Variants in PHLDB2 observed in about 807,000 individuals in gnomAD.
PHLDB2 encodes pleckstrin homology-like domain family B member 2.
In PHLDB2, 71 loss-of-function variants were observed where a neutral mutation model predicts 123.6. That is an observed-to-expected ratio of 0.57 (90% CI 0.47 to 0.70). PHLDB2 has a LOEUF of 0.70. Among genes scored for constraint, PHLDB2 ranks in the 30% least tolerant of loss-of-function variants. The pLI, the probability that PHLDB2 is intolerant of heterozygous loss-of-function variation, is 0.00. For synonymous variants in PHLDB2, 547 were observed against 541.6 expected (o/e 1.01, Z -0.14); for missense variants, 1,446 against 1,519.5 (o/e 0.95, Z 0.80).
chr3:111,755,281 C>T (rs191340530), intron 1 of PHLDB2, among the ~76,000 whole-genome samples: 116,916 of 125,510 alleles, frequency 0.93, 54,599 homozygotes, highest in East Asian at 1. Flanking sequence ...CATCTGGTCC[C>T]GGACTCTTTT....
In PHLDB2 at chr3:111,884,518, C is replaced by T; in HGVS notation, c.441C>T (p.Pro147=). 6.2e-7 allele frequency: 1 copy of T among 1,614,182 alleles called. No individual in the cohort carries two copies. The highest frequency in any genetic ancestry group is 8.5e-7 in the Non-Finnish European group (1 of 1,180,028). The change falls in exon 2 of 18, where the codon CCC becomes CCT. Residue 147 remains proline (P), a synonymous_variant. Coordinates refer to ENST00000431670, the MANE Select transcript of PHLDB2 (RefSeq NM_001134438.2). Reference sequence around the variant, plus strand: ...CCTTGAGGCTCTCAGAGAAGCCTCCCTATTCCAAATATAGCTCAAGGCATA... The same window carrying T: ...CCTTGAGGCTCTCAGAGAAGCCTCCTTATTCCAAATATAGCTCAAGGCATA... ...ERALRLSEKP[P]YSKYSSRHKS... is the part of the protein sequence containing the mutation.
At chr3:111,931,742 T>G (rs1348571658) in intron 5 of PHLDB2, among the ~76,000 whole-genome samples, 1 of 152,234 alleles carries the variant, frequency 6.6e-6, no homozygotes, top group African/African-American at 2.4e-5. Context: ...TAGAACTGTT[T>G]CAGATGACGG....
rs201726032 is a variant in PHLDB2, at chr3:111,885,311, C to G, written c.1234C>G (p.Arg412Gly). The stretch of plus-strand genomic sequence containing the variant: ...AACCCCCCAGCCTGCCCTTCGGGAA[C>G]GGAAAAGCAGTATTAGCTCCATTTC... Reference protein sequence around the residue: ...SGTPQPALRERKSSISSISGR... With the variant: ...SGTPQPALREGKSSISSISGR... The change falls in exon 2 of 18, where the codon CGG becomes GGG. Residue 412 changes from arginine to glycine, a missense_variant. Physicochemically the swap from Arg to Gly is moderately radical, Grantham distance 125 (BLOSUM62 -2). Transcript: ENST00000431670. 9.9e-6 allele frequency: 16 copies of G among 1,613,954 alleles called. No homozygotes were observed. Among genetic ancestry groups the G allele is most frequent in the Non-Finnish European group, 1.4e-5 (16 of 1,180,032 alleles).
intron 1 of PHLDB2, among the ~76,000 whole-genome samples, chr3:111,752,259 T>C (rs2107970270): frequency 6.6e-6 from 1 of 152,198 alleles, no homozygotes; most frequent in East Asian, 1.9e-4. Flanking sequence ...TGTGTGTGTG[T>C]GTGTGTGCAT....
At position 111,884,113 on chromosome 3, in the gene PHLDB2, T is replaced by G; in HGVS notation, c.36T>G (p.Asp12Glu). The G allele has an allele frequency of 6.2e-7, 1 of 1,613,950 alleles. No individual in the cohort carries two copies. Among genetic ancestry groups the G allele is most frequent in the Non-Finnish European group, 8.5e-7 (1 of 1,179,864 alleles). ...ATAGCTACATACAAAAGGAGCTAGA[T>G]TTACAAAATGGTAGCTTAGAGGAAG... is the stretch of plus-strand genomic sequence containing the variant. ...EEHSYIQKEL[D>E]LQNGSLEEDS... Residue 12 changes from aspartate (D) to glutamate (E), a missense_variant, in exon 2 of 18, where the codon GAT becomes GAG. Physicochemically the swap from Asp to Glu is conservative, Grantham distance 45. Coordinates refer to ENST00000431670, the MANE Select transcript of PHLDB2 (RefSeq NM_001134438.2).
intron 2 of PHLDB2, among the ~76,000 whole-genome samples, chr3:111,903,219 G>A (rs2067301687): frequency 6.6e-6 from 1 of 152,198 alleles, no homozygotes; most frequent in South Asian, 2.1e-4. Context: ...AGTTTAGGGT[G>A]GAGCCAGGGC....
chr3:111,958,247 T>C (rs1019511262), intron 12 of PHLDB2: 37 of 986,970 alleles, frequency 3.7e-5, no homozygotes, highest in South Asian at 1.9e-4. Flanking sequence ...TCCTGTGCCC[T>C]CTTCTTCTGG....
At chr3:111,846,944 T>C (rs1317838389) in intron 2 of PHLDB2, among the ~76,000 whole-genome samples, 1 of 152,062 alleles carries the variant, frequency 6.6e-6, no homozygotes, top group Non-Finnish European at 1.5e-5. Context: ...CTGGAGAGGG[T>C]GATTTCTGAA....
At chr3:111,748,903 A>G (rs1464768803) in intron 1 of PHLDB2, among the ~76,000 whole-genome samples, 1 of 152,010 alleles carries the variant, frequency 6.6e-6, no homozygotes, top group Non-Finnish European at 1.5e-5. Context: ...TATAATATAT[A>G]TTTTTTACTT....
chr3:111,781,440 G>T (rs1194722056), intron 1 of PHLDB2, among the ~76,000 whole-genome samples: 2 of 151,998 alleles, frequency 1.3e-5, no homozygotes, highest in African/African-American at 4.8e-5. Flanking sequence ...AGTCAGGATT[G>T]CCAGGAAAGC....
intron 2 of PHLDB2, among the ~76,000 whole-genome samples, chr3:111,905,883 T>C (rs1386773236): frequency 6.6e-6 from 1 of 152,248 alleles, no homozygotes. Context: ...GAATGGAAGA[T>C]GACACCCATT....
intron 8 of PHLDB2, among the ~76,000 whole-genome samples, chr3:111,944,836 C>A (rs1330604176): frequency 2.0e-5 from 3 of 152,004 alleles, no homozygotes; most frequent in Non-Finnish European, 2.9e-5. Flanking sequence ...CCACGCCTGG[C>A]TAATTTTTTT....
chr3:111,958,495 T>G (rs538500054), intron 12 of PHLDB2, among the ~76,000 whole-genome samples: 42 of 152,320 alleles, frequency 2.8e-4, no homozygotes, highest in Admixed American at 2.1e-3. Context: ...CAGGTCCAAT[T>G]AGCCAGAATT....
At chr3:111,883,924 T>C in intron 1 of PHLDB2, 140 bp from the exon 2 acceptor site, 1 of 756,442 alleles carries the variant, frequency 1.3e-6, no homozygotes, top group Non-Finnish European at 2.1e-6. Context: ...TTTTAACAGG[T>C]TTTTTAGTAA....
At chr3:111,816,367 G>A (rs183196429) in intron 1 of PHLDB2, among the ~76,000 whole-genome samples, 9 of 152,302 alleles carry the variant, frequency 5.9e-5, no homozygotes, top group East Asian at 1.9e-4. Flanking sequence ...TGGGAGGGAG[G>A]CTGTACCCTG....
At chr3:111,739,573 T>TAAAAAA (rs1231413646) in intron 1 of PHLDB2, among the ~76,000 whole-genome samples, 1 of 11,714 alleles carries the variant, frequency 8.5e-5, no homozygotes, top group African/African-American at 1.6e-4. Context: ...CTTCTGAAGT[T>TAAAAAA]AAAAAAAAAA....
chr3:111,842,787 CA>C (rs2063752462), intron 1 of PHLDB2, among the ~76,000 whole-genome samples: 1 of 152,172 alleles, frequency 6.6e-6, no homozygotes, highest in East Asian at 1.9e-4. Flanking sequence ...CACTTCCAGG[CA>C]ACCACAAATC....
chr3:111,889,437 T>A (rs924647615), intron 2 of PHLDB2, among the ~76,000 whole-genome samples: 1 of 152,042 alleles, frequency 6.6e-6, no homozygotes, highest in Admixed American at 6.6e-5. Context: ...TGAGGTGGCT[T>A]ACACTTGTAA....
chr3:111,762,580 C>T (rs1312027756), intron 1 of PHLDB2, among the ~76,000 whole-genome samples: 1 of 152,114 alleles, frequency 6.6e-6, no homozygotes, highest in East Asian at 1.9e-4. Flanking sequence ...ACCTTCCACC[C>T]AGCCCTCCCA....
Sources: gnomAD v4.1 joint callset for allele counts (sites outside exome capture counted in the v4.1 genomes callset) on GRCh38, gnomAD v4.1.1 for gene constraint, MANE v1.5 for transcripts, NCBI Gene and HGNC (gene_info 2026-07-23, HGNC 2026-07-21) for gene names.